The following ACSS3 variants were observed in gnomAD, a reference collection of about 807,000 sequenced individuals.
The protein encoded by ACSS3 is acyl-CoA synthetase short-chain family member 3, mitochondrial.
Under a neutral mutation model 84.2 loss-of-function variants are expected in ACSS3, and 64 were observed. The ratio of observed to expected loss-of-function variants is 0.76; its 90% CI spans 0.62 to 0.94. The LOEUF is 0.94. Ranked by LOEUF, ACSS3 falls within the 40% of genes least tolerant of loss-of-function variation. ACSS3 has a pLI of 0.00. For missense variants in ACSS3, 815 were observed against 867.6 expected (o/e 0.94, Z 0.76); for synonymous variants, 317 against 310.1 (o/e 1.02, Z -0.23).
intron 7 of ACSS3, among the ~76,000 whole-genome samples, chr12:81,154,684 A>G (rs1440848698): frequency 6.6e-6 from 1 of 152,146 alleles, no homozygotes; most frequent in Admixed American, 6.6e-5. Context: ...TGTTCACATC[A>G]TTTCATAGAA....
chr12:81,125,843 T>C (rs547776670), intron 2 of ACSS3: 1 of 152,350 alleles, frequency 6.6e-6, no homozygotes, highest in East Asian at 1.9e-4. Context: ...CACTTTCCAA[T>C]CAGTTGCTAA....
chr12:81,136,312 G>A (rs1488217582), intron 3 of ACSS3, among the ~76,000 whole-genome samples: 2 of 152,086 alleles, frequency 1.3e-5, no homozygotes, highest in Admixed American at 6.6e-5. Flanking sequence ...AGGCAGTATG[G>A]ATAACATGAT....
At chr12:81,228,566 C>G (rs569303031) in intron 11 of ACSS3, among the ~76,000 whole-genome samples, 1 of 151,854 alleles carries the variant, frequency 6.6e-6, no homozygotes, top group South Asian at 2.1e-4. Flanking sequence ...TATTTTTTCT[C>G]AGGAAGCAGG....
intron 5 of ACSS3, chr12:81,151,502 T>G: frequency 5.6e-6 from 1 of 179,952 alleles, no homozygotes; most frequent in South Asian, 1.4e-4. Flanking sequence ...TTAAATTTTG[T>G]TCTGGAAATA....
chr12:81,154,665 T>C (rs772442669), intron 7 of ACSS3, among the ~76,000 whole-genome samples: 1 of 152,194 alleles, frequency 6.6e-6, no homozygotes, highest in Non-Finnish European at 1.5e-5. Context: ...CTCACCGTAG[T>C]CTGATTTATG....
At chr12:81,118,563 G>T (rs994484498) in intron 2 of ACSS3, among the ~76,000 whole-genome samples, 2 of 152,192 alleles carry the variant, frequency 1.3e-5, no homozygotes, top group Admixed American at 6.5e-5. Context: ...TCTTGATGGG[G>T]AGTTAGGAGT....
chr12:81,128,041 A>C (rs1885225783), intron 2 of ACSS3, among the ~76,000 whole-genome samples: 1 of 152,142 alleles, frequency 6.6e-6, no homozygotes, highest in Non-Finnish European at 1.5e-5. Context: ...TTATAACTGA[A>C]ATTTAAAGCT....
intron 8 of ACSS3, among the ~76,000 whole-genome samples, chr12:81,197,727 A>G (rs1309111136): frequency 2.0e-5 from 3 of 152,216 alleles, no homozygotes; most frequent in Non-Finnish European, 2.9e-5. Flanking sequence ...CCTTCTGTCT[A>G]CAATGACACC....
At chr12:81,125,334 C>T (rs1191094121) in intron 2 of ACSS3, among the ~76,000 whole-genome samples, 5 of 152,210 alleles carry the variant, frequency 3.3e-5, no homozygotes, top group African/African-American at 9.6e-5. Flanking sequence ...TTCCTTACCA[C>T]ACACATAACC....
chr12:81,181,308 A>C lies in ACSS3; in HGVS notation c.1250+6369A>C, dbSNP rs924809724. 4.6e-5 allele frequency among the ~76,000 whole-genome samples: 7 copies of C among 152,236 alleles called. No individual in the cohort carries two copies. In the East Asian group the frequency reaches 7.7e-4, roughly 17 times the overall value. ...GATCTCACCTGGAGAAGCTGTATGG[A>C]GACTACACCACTGCACCCACCTAGT... On this transcript the variant is annotated intron_variant, in intron 8 of 15. Transcript: ENST00000548058.
chr12:81,133,160 C>T (rs541914964), intron 2 of ACSS3, among the ~76,000 whole-genome samples: 1 of 151,948 alleles, frequency 6.6e-6, no homozygotes, highest in South Asian at 2.1e-4. Flanking sequence ...CCTTAACCTT[C>T]ACCACACCTG....
At chr12:81,215,310 G>A (rs112572729) in intron 9 of ACSS3, among the ~76,000 whole-genome samples, 6 of 152,010 alleles carry the variant, frequency 3.9e-5, no homozygotes, top group African/African-American at 1.4e-4. Flanking sequence ...GTCTGCTCTG[G>A]TTACTTGCCG....
chr12:81,215,501 C>A (rs1354596795), intron 9 of ACSS3, among the ~76,000 whole-genome samples: 1 of 152,112 alleles, frequency 6.6e-6, no homozygotes, highest in African/African-American at 2.4e-5. Flanking sequence ...AAATTCTTCC[C>A]ATCATTCTAA....
At chr12:81,081,963 A>G (rs966110180) in intron 1 of ACSS3, among the ~76,000 whole-genome samples, 2 of 152,210 alleles carry the variant, frequency 1.3e-5, no homozygotes, top group African/African-American at 4.8e-5. Context: ...AAGGACATCA[A>G]TCATTCACCC....
intron 1 of ACSS3, among the ~76,000 whole-genome samples, chr12:81,081,098 G>T (rs1880943818): frequency 6.6e-6 from 1 of 152,174 alleles, no homozygotes; most frequent in South Asian, 2.1e-4. Flanking sequence ...TTATAAGCTT[G>T]TCTGTTTGTT....
chr12:81,256,513 A>AAC lies in ACSS3; in HGVS notation c.*1591_*1592insAC, dbSNP rs2034304161. On this transcript the variant is annotated 3_prime_UTR_variant, in exon 16 of 16. Transcript: ENST00000548058. ...AGAATACATTTTAACCCAAAAGTAT[A>AAC]CCATGCTCATTGTATCTTTGATCGT... 1 of 152,190 alleles carries AAC rather than the reference A, an allele frequency of 6.6e-6. No individual in the cohort carries two copies. Among genetic ancestry groups the AAC allele is most frequent in the African/African-American group, 2.4e-5 (1 of 41,452 alleles). 9.4% of individuals were successfully genotyped at this position (152,190 alleles called of 1,614,324 possible).
chr12:81,112,752 C>T (rs774366670), intron 2 of ACSS3, among the ~76,000 whole-genome samples: 4 of 152,084 alleles, frequency 2.6e-5, no homozygotes, highest in Admixed American at 6.6e-5. Flanking sequence ...TGAGAACAAA[C>T]GAAAAGAAGT....
intron 8 of ACSS3, among the ~76,000 whole-genome samples, chr12:81,196,541 G>A (rs1448473059): frequency 6.6e-6 from 1 of 151,958 alleles, no homozygotes; most frequent in African/African-American, 2.4e-5. Flanking sequence ...TGGATTTGCA[G>A]CTCACATTAT....
At chr12:81,124,649 A>G (rs1884925296) in intron 2 of ACSS3, 4 of 152,150 alleles carry the variant, frequency 2.6e-5, no homozygotes, top group Admixed American at 2.6e-4. Context: ...TTTACTCTCC[A>G]AAGGCCATTT....
Sources: gnomAD v4.1 joint callset for allele counts (sites outside exome capture counted in the v4.1 genomes callset) on GRCh38, gnomAD v4.1.1 for gene constraint, MANE v1.5 for transcripts, NCBI Gene and HGNC (gene_info 2026-07-23, HGNC 2026-07-21) for gene names.